The following TRAPPC9 variants were observed in gnomAD, a reference collection of about 807,000 sequenced individuals.
TRAPPC9 encodes the protein IKK2 binding protein.
TRAPPC9 carries 83 observed loss-of-function variants against 124.0 expected under a neutral mutation model. The observed-to-expected ratio is 0.67, with a 90% CI of 0.56 to 0.80. TRAPPC9 has a LOEUF of 0.80. Among genes scored for constraint, TRAPPC9 ranks in the 30% least tolerant of loss-of-function variants. The pLI, the probability that TRAPPC9 is intolerant of heterozygous loss-of-function variation, is 0.00. For missense variants in TRAPPC9, 1,302 were observed against 1,508.3 expected, an observed-to-expected ratio of 0.86 and a Z score of 2.27; for synonymous variants, 638 against 617.5, an observed-to-expected ratio of 1.03 and a Z score of -0.49.
At chr8:139,943,576 T>A (rs1368401020) in intron 19 of TRAPPC9, among the ~76,000 whole-genome samples, 1 of 152,136 alleles carries the variant, frequency 6.6e-6, no homozygotes, top group African/African-American at 2.4e-5. Flanking sequence ...TAAATTGACA[T>A]CAATTTGAGA....
intron 5 of TRAPPC9, among the ~76,000 whole-genome samples, chr8:140,426,294 G>A (rs148268353): frequency 4.5e-4 from 69 of 152,326 alleles, no homozygotes; most frequent in African/African-American, 1.5e-3. Context: ...GAGCAAAGTC[G>A]TGATTACAAA....
intron 17 of TRAPPC9, among the ~76,000 whole-genome samples, chr8:140,074,963 A>C (rs1415217729): frequency 6.6e-6 from 1 of 152,072 alleles, no homozygotes; most frequent in African/African-American, 2.4e-5. Flanking sequence ...ATTTTTTTAG[A>C]TGAGGGGACT....
chr8:139,907,541 G>GGGGGAGGAAGGGATGGAGGC lies in TRAPPC9; in HGVS notation c.2964+2586_2964+2605dup, dbSNP rs1831438902. On this transcript the variant is annotated intron_variant, in intron 20 of 22. Transcript: ENST00000438773. The surrounding 1 kb of genome is among the most constrained non-coding windows in gnomAD (Gnocchi z 4.7). ...GAGAGGAGAGGGAGAAAGAGAAAGGGGGGGAGGAAGGGATGGAGGCAGAGA... is the reference window on the plus strand; with the variant it reads ...GAGAGGAGAGGGAGAAAGAGAAAGGGGGGGAGGAAGGGATGGAGGCGGGGAGGAAGGGATGGAGGCAGAGA... Among the ~76,000 whole-genome samples the GGGGGAGGAAGGGATGGAGGC allele has an allele frequency of 6.9e-6, 1 of 145,306 alleles. No homozygotes were observed. The highest frequency in any genetic ancestry group is 1.5e-5 in the Non-Finnish European group (1 of 66,496).
chr8:140,227,277 A>T (rs1027315390), intron 16 of TRAPPC9, among the ~76,000 whole-genome samples: 28 of 152,188 alleles, frequency 1.8e-4, no homozygotes, highest in Non-Finnish European at 3.4e-4. Flanking sequence ...AATTATGTTC[A>T]ATCATTTAGC....
At chr8:140,115,904 T>C (rs2060875686) in intron 17 of TRAPPC9, among the ~76,000 whole-genome samples, 1 of 152,178 alleles carries the variant, frequency 6.6e-6, no homozygotes, top group African/African-American at 2.4e-5. Flanking sequence ...ACAGTGCTCG[T>C]GAACACCTAT....
chr8:139,891,278 T>A (rs572976184), intron 20 of TRAPPC9, among the ~76,000 whole-genome samples: 1 of 152,362 alleles, frequency 6.6e-6, no homozygotes, highest in East Asian at 1.9e-4. Flanking sequence ...TAAGGGAATC[T>A]CATCAGCAAA....
intron 5 of TRAPPC9, among the ~76,000 whole-genome samples, chr8:140,414,505 G>T (rs1199299438): frequency 3.3e-5 from 5 of 152,122 alleles, no homozygotes; most frequent in African/African-American, 1.2e-4. Flanking sequence ...CTGCACTCCA[G>T]CCTGGGTGAC....
intron 19 of TRAPPC9, among the ~76,000 whole-genome samples, chr8:139,987,897 C>T (rs1288782175): frequency 6.6e-6 from 1 of 152,182 alleles, no homozygotes; most frequent in South Asian, 2.1e-4. Context: ...CAGCTCCTCA[C>T]TCACCTCTGC....
chr8:140,335,439 A>G (rs7818885), intron 9 of TRAPPC9, among the ~76,000 whole-genome samples: 95,436 of 151,926 alleles, frequency 0.63, 30,354 homozygotes, highest in African/African-American at 0.74. Context: ...GATGACTGAC[A>G]AAGTTTTAAG....
chr8:140,397,312 G>A (rs2069123718), intron 7 of TRAPPC9, among the ~76,000 whole-genome samples: 1 of 152,128 alleles, frequency 6.6e-6, no homozygotes, highest in African/African-American at 2.4e-5. Flanking sequence ...TACTTCATGA[G>A]TGACAATATC....
intron 20 of TRAPPC9, among the ~76,000 whole-genome samples, chr8:139,894,186 T>C (rs1232513385): frequency 2.6e-5 from 4 of 152,230 alleles, no homozygotes; most frequent in Non-Finnish European, 5.9e-5. Flanking sequence ...GGTAAGTTTC[T>C]AGAAGGTCTC....
chr8:140,042,890 C>T (rs1841359351), intron 17 of TRAPPC9, among the ~76,000 whole-genome samples: 1 of 152,236 alleles, frequency 6.6e-6, no homozygotes, highest in African/African-American at 2.4e-5. Context: ...AGCAGTTGTG[C>T]CTCCGGGCTC....
At chr8:140,135,272 G>A (rs1256703184) in intron 17 of TRAPPC9, among the ~76,000 whole-genome samples, 1 of 152,176 alleles carries the variant, frequency 6.6e-6, no homozygotes, top group Non-Finnish European at 1.5e-5. Flanking sequence ...CAAAAACTAA[G>A]CATAGAATCC....
intron 16 of TRAPPC9, among the ~76,000 whole-genome samples, chr8:140,235,508 G>A (rs1371672132): frequency 6.6e-6 from 1 of 152,128 alleles, no homozygotes; most frequent in African/African-American, 2.4e-5. Context: ...CTTCACAAAA[G>A]TATATATCCA....
intron 17 of TRAPPC9, among the ~76,000 whole-genome samples, chr8:140,033,413 G>A (rs1840625041): frequency 6.6e-6 from 1 of 152,028 alleles, no homozygotes; most frequent in Admixed American, 6.6e-5. Flanking sequence ...TTTGAGGTGG[G>A]TCATACATCT....
intron 21 of TRAPPC9, among the ~76,000 whole-genome samples, chr8:139,775,563 C>T (rs1209332543): frequency 6.6e-6 from 1 of 152,206 alleles, no homozygotes; most frequent in South Asian, 2.1e-4. Flanking sequence ...AGGGTGTGGG[C>T]TAACTGGGGG....
intron 17 of TRAPPC9, among the ~76,000 whole-genome samples, chr8:140,138,506 T>C (rs563276319): frequency 6.6e-6 from 1 of 152,206 alleles, no homozygotes; most frequent in South Asian, 2.1e-4. Flanking sequence ...TTCTGTTCTC[T>C]CTCAGTGTGA....
intron 19 of TRAPPC9, among the ~76,000 whole-genome samples, chr8:139,958,997 T>C (rs1411590999): frequency 6.7e-6 from 1 of 149,860 alleles, no homozygotes; most frequent in Non-Finnish European, 1.5e-5. Flanking sequence ...GAGCACTGCA[T>C]TCCGAGTCAC....
intron 21 of TRAPPC9, 89 bp downstream of exon 21, chr8:139,885,790 C>T (rs771821898): frequency 6.1e-6 from 8 of 1,315,908 alleles, no homozygotes; most frequent in Non-Finnish European, 8.6e-6. Flanking sequence ...ATTTGGGGTG[C>T]CCAGCCACAC....
Sources: allele counts gnomAD v4.1 joint callset (sites outside exome capture counted in the v4.1 genomes callset), GRCh38; gene constraint gnomAD v4.1.1; non-coding constraint Gnocchi (gnomAD v3.1); transcripts MANE v1.5; gene names NCBI Gene and HGNC (gene_info 2026-07-23, HGNC 2026-07-21).